ATG14: variants seen among roughly 807,000 people sequenced by gnomAD.
ATG14 encodes the protein beclin 1-associated autophagy-related key regulator.
A neutral mutation model predicts 60.4 loss-of-function variants in ATG14; 35 were observed. That is an observed-to-expected ratio of 0.58 (90% CI 0.44 to 0.77). The LOEUF (loss-of-function observed/expected upper bound fraction) is 0.77, where lower values mean the gene tolerates loss of function less well. ATG14 is among the 30% of genes least tolerant of loss of function. ATG14 has a pLI of 0.00. For missense variants in ATG14, 647 were observed against 626.3 expected, an observed-to-expected ratio of 1.03 and a Z score of -0.35; for synonymous variants, 234 against 228.8, an observed-to-expected ratio of 1.02 and a Z score of -0.21.
chr14:55,384,088 C>G (rs976766460), intron 5 of ATG14, among the ~76,000 whole-genome samples: 3 of 152,192 alleles, frequency 2.0e-5, no homozygotes, highest in African/African-American at 7.2e-5. Context: ...TGCTGCGTCT[C>G]CCTTCTCCCA....
At position 55,382,104 on chromosome 14, in the gene ATG14, G is replaced by C. The variant is rs775652622; in HGVS notation, c.735C>G (p.Tyr245Ter). The C allele has an allele frequency of 6.2e-7, 1 of 1,614,108 alleles. No homozygotes were observed. Among genetic ancestry groups the C allele is most frequent in the Non-Finnish European group, 8.5e-7 (1 of 1,180,024 alleles). Reference sequence around the variant, plus strand: ...CGTCACAGACCCATCGTCCTGAGAGGTAAGTTGTCCTCCGGGCTTCAGCAA... The same window carrying C: ...CGTCACAGACCCATCGTCCTGAGAGCTAAGTTGTCCTCCGGGCTTCAGCAA... The part of the protein sequence containing the change: ...SKLAEARRTT[Y>*]LSGRWVCDDH... The change falls in exon 6 of 10, where the codon TAC (tyrosine) becomes TAG (stop). Residue 245 changes from tyrosine to a stop codon, truncating the protein, a stop_gained. Coordinates refer to ENST00000247178, the MANE Select transcript of ATG14 (RefSeq NM_014924.5). LOFTEE classifies it high-confidence loss of function.
At chr14:55,378,560 C>CCACA (rs1225768854) in intron 7 of ATG14, among the ~76,000 whole-genome samples, 1 of 152,146 alleles carries the variant, frequency 6.6e-6, no homozygotes, top group Non-Finnish European at 1.5e-5. Flanking sequence ...TTCTTTTTAC[C>CCACA]CACAGCCTCT....
In ATG14 at chr14:55,411,770, C is replaced by T. The variant is rs1447380567; in HGVS notation, c.53G>A (p.Gly18Glu). 18 of 1,605,840 alleles carry T rather than the reference C, an allele frequency of 1.1e-5. No homozygotes were observed. The highest frequency in any genetic ancestry group is 1.5e-5 in the Non-Finnish European group (18 of 1,176,878). ...CAGGTCCCGGGCGAGCGGCCGGGGC[C>T]CGCAGCCAGGAGCCTCCAGCGCCCG... The part of the protein sequence containing the change: ...GARALEAPGC[G>E]PRPLARDLVD... Residue 18 changes from glycine (G) to glutamate (E), a missense_variant, in exon 1 of 10, where the codon GGG becomes GAG. Transcript: ENST00000247178.
chr14:55,397,505 C>G, intron 1 of ATG14, 71 bp from the exon 2 acceptor site: 2 of 1,203,664 alleles, frequency 1.7e-6, no homozygotes, highest in Non-Finnish European at 1.2e-6. Flanking sequence ...TGCAAATTCC[C>G]AAGAACCAAT....
intron 5 of ATG14, among the ~76,000 whole-genome samples, chr14:55,383,538 G>A (rs558104621): frequency 3.3e-5 from 5 of 151,862 alleles, no homozygotes; most frequent in African/African-American, 7.3e-5. Flanking sequence ...GTGACAAAGC[G>A]AGACTCCATC....
chr14:55,410,102 G>T (rs1234836319), intron 1 of ATG14, among the ~76,000 whole-genome samples: 4 of 152,166 alleles, frequency 2.6e-5, no homozygotes, highest in Admixed American at 2.6e-4. Flanking sequence ...TGAACCAAAG[G>T]AACAATGAGA....
intron 1 of ATG14, among the ~76,000 whole-genome samples, chr14:55,402,964 T>TATATAAATATAA (rs1555342968): frequency 1.7e-5 from 1 of 59,754 alleles, no homozygotes; most frequent in Non-Finnish European, 3.2e-5. Context: ...TATATATATA[T>TATATAAATATAA]ATATAAATAG....
chr14:55,367,260 G>A lies in ATG14; in HGVS notation c.*2359C>T, dbSNP rs192918723. The A allele has an allele frequency of 2.0e-5, 3 of 152,274 alleles. No individual in the cohort carries two copies. The highest frequency in any genetic ancestry group is 1.9e-4 in the East Asian group (1 of 5,182). The allele number at this position is 152,274 out of a possible 1,614,324, so 9.4% of individuals were successfully genotyped here. A position where few individuals can be genotyped will look rare whatever the true frequency, so the allele number is the denominator to read the frequency against. ...GCTCCAAATCCCACTCTTACAACTC[G>A]TGAGACTAAGCTCTTACTTCTGAGG... On this transcript the variant is annotated 3_prime_UTR_variant, in exon 10 of 10. Coordinates refer to ENST00000247178, the MANE Select transcript of ATG14 (RefSeq NM_014924.5).
chr14:55,402,373 G>A (rs536806334), intron 1 of ATG14, among the ~76,000 whole-genome samples: 3 of 151,852 alleles, frequency 2.0e-5, no homozygotes, highest in East Asian at 1.9e-4. Flanking sequence ...GCAATTGAGG[G>A]CCTAAAAAAA....
rs111920943 is a variant in ATG14 at position 55,380,249 on chromosome 14, A to AAACAAC, written c.995+318_995+323dup. 1.8e-3 allele frequency among the ~76,000 whole-genome samples: 274 copies of AAACAAC among 150,610 alleles called. 2 individuals carry two copies. The highest frequency in any genetic ancestry group is 6.7e-3 in the East Asian group (34 of 5,086). ...GGCGACAGAGCGAGACTCTGTCTCA[A>AAACAAC]AACAACAACAACAACAACAACAACA... On this transcript the variant is annotated intron_variant, in intron 7 of 9. Coordinates refer to ENST00000247178, the MANE Select transcript of ATG14 (RefSeq NM_014924.5).
chr14:55,382,368 A>G (rs1053913976), intron 5 of ATG14, among the ~76,000 whole-genome samples, 177 bp from the exon 6 acceptor site: 1 of 152,194 alleles, frequency 6.6e-6, no homozygotes, highest in African/African-American at 2.4e-5. Context: ...CATGGAGCGC[A>G]GTGACAGATG....
chr14:55,372,540 T>TCCTTCTTTCCCTTTCTCCCTC (rs1884842094), intron 9 of ATG14, among the ~76,000 whole-genome samples: 1 of 151,528 alleles, frequency 6.6e-6, no homozygotes, highest in Admixed American at 6.6e-5. Flanking sequence ...ACTCCTCCCT[T>TCCTTCTTTCCCTTTCTCCCTC]CCTTCTTTCC....
chr14:55,394,950 TA>T (rs1885287915), intron 3 of ATG14: 30 of 393,860 alleles, frequency 7.6e-5, no homozygotes, highest in Admixed American at 1.9e-4. Flanking sequence ...TTTCACCTCC[TA>T]AAAAAAAGCA....
intron 1 of ATG14, among the ~76,000 whole-genome samples, chr14:55,400,381 C>G (rs1388136374): frequency 3.3e-5 from 5 of 152,104 alleles, no homozygotes; most frequent in African/African-American, 1.2e-4. Context: ...TTGCAGCTGT[C>G]ACATAAAGTA....
intron 1 of ATG14, among the ~76,000 whole-genome samples, chr14:55,405,197 G>C (rs1360937616): frequency 2.0e-5 from 3 of 152,136 alleles, no homozygotes; most frequent in African/African-American, 7.2e-5. Context: ...GAATTCTCAA[G>C]ACAATAGATT....
Position 55,382,209 on chromosome 14 carries a change from C to G in ATG14, c.648-18G>C. ...CGGGGTCTCTACAAGTAGGAAGACA[C>G]ACACGGATTTTCAAGAGAGAGGGTT... On this transcript the variant is annotated intron_variant, in intron 5 of 9. Transcript: ENST00000247178. The G allele has an allele frequency of 1.2e-6, 2 of 1,611,650 alleles. No homozygotes were observed. Among genetic ancestry groups the G allele is most frequent in the Non-Finnish European group, 1.7e-6 (2 of 1,177,758 alleles).
Position 55,395,559 on chromosome 14 carries a change from T to G in ATG14, c.327+381A>C, listed in dbSNP as rs951956177. ...TATATGATCTGTCAAAATGCTTTCCTCTACGGTTTATAAAGGTTCTCCCCA... is the reference window on the plus strand; with the variant it reads ...TATATGATCTGTCAAAATGCTTTCCGCTACGGTTTATAAAGGTTCTCCCCA... On this transcript the variant is annotated intron_variant, in intron 3 of 9. Coordinates refer to ENST00000247178, the MANE Select transcript of ATG14 (RefSeq NM_014924.5). Among the ~76,000 whole-genome samples the G allele has an allele frequency of 2.0e-5, 3 of 152,248 alleles. No individual in the cohort carries two copies. The East Asian group carries it at 5.8e-4, about 29-fold the overall frequency.
intron 1 of ATG14, among the ~76,000 whole-genome samples, chr14:55,410,883 A>G (rs1240453940): frequency 6.6e-6 from 1 of 151,986 alleles, no homozygotes; most frequent in Non-Finnish European, 1.5e-5. Context: ...GCAGCTAATC[A>G]CACTAATTTT....
chr14:55,410,520 GTT>G (rs2140157162), intron 1 of ATG14, among the ~76,000 whole-genome samples: 1 of 152,294 alleles, frequency 6.6e-6, no homozygotes, highest in South Asian at 2.1e-4. Context: ...CTAAAAAAGA[GTT>G]TGTCATTCAA....
Sources: gnomAD v4.1 joint callset for allele counts (sites outside exome capture counted in the v4.1 genomes callset) on GRCh38, gnomAD v4.1.1 for gene constraint, MANE v1.5 for transcripts, NCBI Gene and HGNC (gene_info 2026-07-23, HGNC 2026-07-21) for gene names.